Variants in FAM184B observed in about 807,000 individuals in gnomAD.
FAM184B encodes protein FAM184B.
FAM184B carries 111 observed loss-of-function variants against 135.9 expected under a neutral mutation model. The observed-to-expected ratio is 0.82, with a 90% CI of 0.70 to 0.96. The LOEUF is 0.96. Among genes scored for constraint, FAM184B ranks in the 40% least tolerant of loss-of-function variants. FAM184B has a pLI of 0.00. For missense variants in FAM184B, 1,375 were observed against 1,323.9 expected (o/e 1.04, Z -0.60); for synonymous variants, 552 against 524.8 (o/e 1.05, Z -0.71).
intron 6 of FAM184B, among the ~76,000 whole-genome samples, chr4:17,691,653 T>C (rs1207832428): frequency 1.3e-4 from 17 of 133,170 alleles, no homozygotes; most frequent in African/African-American, 5.0e-4. Context: ...GCCAATGCAC[T>C]CCAGCCTGGG....
At chr4:17,633,953 A>G in intron 16 of FAM184B, 65 bp from the exon 17 acceptor site, 1 of 1,243,584 alleles carries the variant, frequency 8.0e-7, no homozygotes, top group Non-Finnish European at 1.1e-6. Flanking sequence ...CATTATTGTA[A>G]AAGCAAATAA....
chr4:17,683,070 A>G (rs1480411577), intron 7 of FAM184B, among the ~76,000 whole-genome samples: 1 of 152,206 alleles, frequency 6.6e-6, no homozygotes, highest in Non-Finnish European at 1.5e-5. Context: ...GTACTGAAGT[A>G]TGCTGCTCAC....
chr4:17,778,722 G>A (rs1346132705), intron 1 of FAM184B, among the ~76,000 whole-genome samples: 1 of 152,026 alleles, frequency 6.6e-6, no homozygotes, highest in African/African-American at 2.4e-5. Flanking sequence ...TTAGCTGGGG[G>A]TGGTGGTGTG....
At position 17,707,798 on chromosome 4, in the gene FAM184B, A is replaced by T. The variant is rs565862892; in HGVS notation, c.895-14T>A. On this transcript the variant is annotated splice_polypyrimidine_tract_variant and intron_variant, in intron 2 of 17. Transcript: ENST00000265018. ...CACATCCAGGTCCTAAACAGACAGG[A>T]AGGGTCCCATTTCTCTGGTTATAGC... The T allele has an allele frequency of 6.4e-7, 1 of 1,551,848 alleles. No individual in the cohort carries two copies. Among genetic ancestry groups the T allele is most frequent in the South Asian group, 1.2e-5 (1 of 84,056 alleles).
At chr4:17,759,154 G>C (rs1460791488) in intron 1 of FAM184B, among the ~76,000 whole-genome samples, 1 of 152,182 alleles carries the variant, frequency 6.6e-6, no homozygotes, top group Admixed American at 6.5e-5. Context: ...CAGGGGGCTG[G>C]CTTCTGTTTC....
intron 16 of FAM184B, chr4:17,634,175 G>T: frequency 3.8e-6 from 1 of 263,858 alleles, no homozygotes; most frequent in Non-Finnish European, 7.1e-6. Flanking sequence ...AACACCCCCA[G>T]CAGGGGATGG....
intron 7 of FAM184B, among the ~76,000 whole-genome samples, chr4:17,665,819 G>A (rs915674708): frequency 6.6e-6 from 1 of 152,048 alleles, no homozygotes; most frequent in African/African-American, 2.4e-5. Context: ...CTGCACTAAC[G>A]GGGACTCCCA....
chr4:17,638,761 T>G (rs547406499), intron 14 of FAM184B, among the ~76,000 whole-genome samples: 8 of 151,964 alleles, frequency 5.3e-5, no homozygotes, highest in African/African-American at 1.9e-4. Flanking sequence ...TCCTCACAAA[T>G]TCCCACTGCC....
chr4:17,696,746 G>C (rs867718414), intron 5 of FAM184B, among the ~76,000 whole-genome samples: 2 of 152,044 alleles, frequency 1.3e-5, no homozygotes, highest in African/African-American at 4.8e-5. Context: ...CCAGGAGTTC[G>C]AGGCTGCAGT....
At chr4:17,686,202 C>T (rs1424864581) in intron 7 of FAM184B, among the ~76,000 whole-genome samples, 1 of 152,210 alleles carries the variant, frequency 6.6e-6, no homozygotes, top group Non-Finnish European at 1.5e-5. Flanking sequence ...AATGCTAGCT[C>T]ATGAGACTGA....
chr4:17,639,001 A>G (rs1715230088), intron 14 of FAM184B, among the ~76,000 whole-genome samples: 1 of 151,866 alleles, frequency 6.6e-6, no homozygotes, highest in Non-Finnish European at 1.5e-5. Flanking sequence ...CACACCTGTA[A>G]TTTTGTATTT....
rs1405476644 is a variant in FAM184B at position 17,636,615 on chromosome 4, C to T, written c.2697G>A (p.Lys899=). ...GAAGGTCCTCGGGCCTGGACGCTCC[C>T]TTCCCTGGCTTCTCTCCGGAATCTT... ...ELKDSGEKPG[K]GASRPEDLQL... is the part of the protein sequence containing the mutation. The change falls in exon 15 of 18, where the codon AAG becomes AAA. Residue 899 remains lysine, a synonymous_variant. Transcript: ENST00000265018. 1.9e-6 allele frequency: 3 copies of T among 1,550,516 alleles called. No homozygotes were observed. The highest frequency in any genetic ancestry group is 2.4e-5 in the East Asian group (1 of 40,898).
chr4:17,685,154 C>T (rs1292685904), intron 7 of FAM184B, among the ~76,000 whole-genome samples: 1 of 148,604 alleles, frequency 6.7e-6, no homozygotes, highest in Non-Finnish European at 1.5e-5. Flanking sequence ...CACATGTTTA[C>T]CTTTGTAACA....
At chr4:17,718,022 C>T (rs1717434481) in intron 1 of FAM184B, among the ~76,000 whole-genome samples, 1 of 152,178 alleles carries the variant, frequency 6.6e-6, no homozygotes, top group Admixed American at 6.5e-5. Context: ...GGGCTAACTT[C>T]ATATGTAGGG....
rs892212495 is a variant in FAM184B at position 17,771,946 on chromosome 4, T to C, written c.141+9213A>G. ...CACAACATATCACCAAGGTGGAAAA[T>C]TTTCCCCCAACTAAAGATGAGGACC... On this transcript the variant is annotated intron_variant, in intron 1 of 17. Coordinates refer to ENST00000265018, the MANE Select transcript of FAM184B (RefSeq NM_015688.2). Among the ~76,000 whole-genome samples, 8 of 152,116 alleles carry C rather than the reference T, an allele frequency of 5.3e-5. No homozygotes were observed. In the East Asian group the frequency reaches 1.4e-3, roughly 26 times the overall value.
intron 1 of FAM184B, among the ~76,000 whole-genome samples, chr4:17,714,165 C>T (rs2315562): frequency 0.71 from 107,409 of 151,464 alleles, 39,130 homozygotes; most frequent in Non-Finnish European, 0.8. Context: ...GGGGCTGCTG[C>T]AGTTCATCAA....
chr4:17,659,994 C>T lies in FAM184B; in HGVS notation c.1788G>A (p.Glu596=), dbSNP rs1715875392. 1 of 1,551,390 alleles carries T rather than the reference C, an allele frequency of 6.4e-7. No homozygotes were observed. The highest frequency in any genetic ancestry group is 1.4e-5 in the African/African-American group (1 of 73,166). ...ATTTGGCCTTCTGGCTTTGCCAGTCCTCCTCTAGACGCTGGATTTTGGATG... is the reference window on the plus strand; with the variant it reads ...ATTTGGCCTTCTGGCTTTGCCAGTCTTCCTCTAGACGCTGGATTTTGGATG... ...EKTSKIQRLE[E]DWQSQKAKLQ... The change falls in exon 9 of 18, where the codon GAG becomes GAA. Residue 596 remains glutamate, a synonymous_variant. Coordinates refer to ENST00000265018, the MANE Select transcript of FAM184B (RefSeq NM_015688.2).
chr4:17,755,231 C>G (rs762678567), intron 1 of FAM184B, among the ~76,000 whole-genome samples: 1 of 152,044 alleles, frequency 6.6e-6, no homozygotes, highest in Non-Finnish European at 1.5e-5. Flanking sequence ...CTTTAAAAAA[C>G]AGCTATTTTC....
intron 12 of FAM184B, among the ~76,000 whole-genome samples, chr4:17,644,449 A>G (rs1484904037): frequency 6.6e-6 from 1 of 152,222 alleles, no homozygotes; most frequent in African/African-American, 2.4e-5. Context: ...ATCAATAAAC[A>G]TAATCCAGCA....
Sources: allele counts gnomAD v4.1 joint callset (sites outside exome capture counted in the v4.1 genomes callset), GRCh38; gene constraint gnomAD v4.1.1; transcripts MANE v1.5; gene names NCBI Gene and HGNC (gene_info 2026-07-23, HGNC 2026-07-21).